Variants in TG observed in about 807,000 individuals in gnomAD.
TG encodes thyroglobulin.
TG carries 270 observed loss-of-function variants against 324.7 expected under a neutral mutation model. That is an observed-to-expected ratio of 0.83 (90% CI 0.75 to 0.92). The LOEUF (loss-of-function observed/expected upper bound fraction) is 0.92. Among genes scored for constraint, TG ranks in the 40% least tolerant of loss-of-function variants. The probability of loss-of-function intolerance (pLI) is 0.00; values close to 1 mark genes in which losing one functional copy is unlikely to be tolerated. For missense variants in TG, 3,591 were observed against 3,456.4 expected (o/e 1.04, Z -0.98); for synonymous variants, 1,401 against 1,327.0 (o/e 1.06, Z -1.21).
chr8:133,019,038 A>G (rs1012442374), intron 38 of TG, among the ~76,000 whole-genome samples: 1 of 152,262 alleles, frequency 6.6e-6, no homozygotes, highest in Non-Finnish European at 1.5e-5. Context: ...TGACGGAGTC[A>G]CATAGGTTTG....
chr8:132,978,581 T>C (rs1279243072), intron 34 of TG, among the ~76,000 whole-genome samples: 1 of 151,220 alleles, frequency 6.6e-6, no homozygotes, highest in Non-Finnish European at 1.5e-5. Context: ...AGGGGAGAGG[T>C]AGGGTGTTGG....
intron 41 of TG, chr8:133,038,528 T>C: frequency 6.2e-7 from 1 of 1,607,974 alleles, no homozygotes; most frequent in Non-Finnish European, 8.5e-7. Context: ...TCTTGGCTAG[T>C]CCTCAAAGTA....
rs376711807 is a variant in TG at position 133,070,029 on chromosome 8, A to AAAAAAAAAAAAAAAAAAAAAAAAC, written c.7240-25014_7240-25013insAAAAAAAAAAAAAAAAAAAAAACA. On this transcript the variant is annotated intron_variant, in intron 41 of 47. Transcript: ENST00000220616. ...AAAAAAAAAAAAAAAAAAAAAAAGA[A>AAAAAAAAAAAAAAAAAAAAAAAAC]AGAAAGAAAGAAAAGAAAAGAAGAA... Among the ~76,000 whole-genome samples, 3 of 109,812 alleles carry AAAAAAAAAAAAAAAAAAAAAAAAC rather than the reference A, an allele frequency of 2.7e-5. 1 individual carries two copies. The highest frequency in any genetic ancestry group is 1.2e-4 in the African/African-American group (3 of 25,790). The allele number at this position is 109,812 out of a possible 152,430, so 72.0% of individuals were successfully genotyped here.
chr8:133,046,681 T>C (rs1200669987), intron 41 of TG: 2 of 152,234 alleles, frequency 1.3e-5, no homozygotes, highest in African/African-American at 4.8e-5. Context: ...TAGGAGTTTC[T>C]TTCTGAGTCG....
chr8:132,983,807 A>G (rs1831198721), intron 35 of TG: 1 of 344,442 alleles, frequency 2.9e-6, no homozygotes, highest in Non-Finnish European at 5.6e-6. Flanking sequence ...TTATTAGTGC[A>G]AAAGAGTTGG....
In TG at chr8:133,075,904, G is replaced by C. The variant is rs143190566; in HGVS notation, c.7240-19140G>C. 11 of 152,230 alleles carry C rather than the reference G, an allele frequency of 7.2e-5. No homozygotes were observed. The East Asian group carries it at 1.3e-3, about 19-fold the overall frequency. 9.4% of individuals were successfully genotyped at this position (152,230 alleles called of 1,614,324 possible). ...TGTTCTACTCTTGCAAGTTTTTGGTGAGTTTGATGTTAAAATACGTGTGTC... is the reference window on the plus strand; with the variant it reads ...TGTTCTACTCTTGCAAGTTTTTGGTCAGTTTGATGTTAAAATACGTGTGTC... On this transcript the variant is annotated intron_variant, in intron 41 of 47. Transcript: ENST00000220616.
Position 132,867,029 on chromosome 8 carries a change from T to C in TG, c.29T>C (p.Leu10Pro), listed in dbSNP as rs376079122. 3 of 1,601,608 alleles carry C rather than the reference T, an allele frequency of 1.9e-6. No individual in the cohort carries two copies. The highest frequency in any genetic ancestry group is 1.1e-5 in the South Asian group (1 of 88,764). Residue 10 changes from leucine (L) to proline (P), a missense_variant, in exon 1 of 48, where the codon CTG (leucine) becomes CCG (proline). By Grantham distance (98) the Leu-to-Pro change is moderately conservative. Transcript: ENST00000220616. ...GCCCTGGTCCTGGAGATCTTCACCC[T>C]GCTGGCCTCCATCTGCTGGGTGTCG... is the stretch of plus-strand genomic sequence containing the variant. MALVLEIFTLLASICWVSAN... is the reference protein window; with the variant it reads MALVLEIFTPLASICWVSAN...
Position 133,096,221 on chromosome 8 carries a change from G to C in TG, c.7420G>C (p.Gly2474Arg), listed in dbSNP as rs773891454. The change falls in exon 43 of 48, where the codon GGC (glycine) becomes CGC (arginine). Residue 2474 changes from glycine to arginine, a missense_variant. By Grantham distance (125) the Gly-to-Arg change is moderately radical. Transcript: ENST00000220616. ...TCCAATGCAGCTCCTGGCCGTGAGTGGCCCTTTCCACTACTGGGGTCCTGT... is the reference window on the plus strand; with the variant it reads ...TCCAATGCAGCTCCTGGCCGTGAGTCGCCCTTTCCACTACTGGGGTCCTGT... ...DAQTKLLAVS[G>R]PFHYWGPVID... 1.2e-6 allele frequency: 2 copies of C among 1,614,216 alleles called. No homozygotes were observed. The highest frequency in any genetic ancestry group is 4.5e-5 in the East Asian group (2 of 44,886).
chr8:132,964,739 A>G (rs970234032), intron 29 of TG: 2 of 602,450 alleles, frequency 3.3e-6, no homozygotes, highest in South Asian at 2.0e-5. Context: ...TTTTGAGCAC[A>G]TGTGGCTGTG....
intron 41 of TG, among the ~76,000 whole-genome samples, chr8:133,091,449 C>T (rs1189730716): frequency 2.0e-5 from 3 of 152,148 alleles, no homozygotes; most frequent in Admixed American, 6.5e-5. Flanking sequence ...CCTGCTTGTC[C>T]GGGTAGCTGC....
intron 35 of TG, among the ~76,000 whole-genome samples, chr8:133,008,664 G>C (rs1834229458): frequency 6.6e-6 from 1 of 152,200 alleles, no homozygotes; most frequent in Non-Finnish European, 1.5e-5. Context: ...GCAAGAACTG[G>C]CTCCAGCCCT....
intron 35 of TG, among the ~76,000 whole-genome samples, chr8:133,006,027 T>G (rs1833987142): frequency 6.6e-6 from 1 of 152,228 alleles, no homozygotes; most frequent in Non-Finnish European, 1.5e-5. Flanking sequence ...GCAAAGGTGC[T>G]GATGGATTAA....
At chr8:133,067,789 AG>A (rs1843237244) in intron 41 of TG, among the ~76,000 whole-genome samples, 1 of 149,284 alleles carries the variant, frequency 6.7e-6, no homozygotes, top group Non-Finnish European at 1.5e-5. Context: ...AAAGAAAGAA[AG>A]AAAAAGAAAG....
At chr8:132,967,522 C>A (rs145054209) in intron 30 of TG, among the ~76,000 whole-genome samples, 1 of 152,256 alleles carries the variant, frequency 6.6e-6, no homozygotes, top group Non-Finnish European at 1.5e-5. Flanking sequence ...TGCAATGTTA[C>A]TCTTTTGCCT....
intron 31 of TG, among the ~76,000 whole-genome samples, chr8:132,969,067 A>G (rs528955629): frequency 8.7e-4 from 131 of 151,290 alleles, no homozygotes; most frequent in Non-Finnish European, 1.4e-3. Flanking sequence ...AAGAAATTCC[A>G]GCCAGTACTT....
chr8:133,077,310 G>A (rs1003473372), intron 41 of TG, among the ~76,000 whole-genome samples: 1 of 152,192 alleles, frequency 6.6e-6, no homozygotes, highest in African/African-American at 2.4e-5. Flanking sequence ...CCGTTCACAG[G>A]AGAAGCTACA....
At chr8:132,949,886 C>T (rs1419476128) in intron 27 of TG, among the ~76,000 whole-genome samples, 1 of 152,196 alleles carries the variant, frequency 6.6e-6, no homozygotes, top group African/African-American at 2.4e-5. Flanking sequence ...AGACCCCCAT[C>T]AGGAAAAAGT....
chr8:132,935,338 C>T (rs952346), intron 24 of TG, among the ~76,000 whole-genome samples: 98,758 of 151,360 alleles, frequency 0.65, 32,830 homozygotes, highest in East Asian at 0.76. Flanking sequence ...GAGATGGGGT[C>T]TCAACATGTT....
intron 8 of TG, among the ~76,000 whole-genome samples, chr8:132,884,767 A>G (rs146900730): frequency 6.6e-6 from 1 of 152,294 alleles, no homozygotes; most frequent in Admixed American, 6.5e-5. Flanking sequence ...TATATTTTCA[A>G]TTTTTCTGTC....
Sources: allele counts gnomAD v4.1 joint callset (sites outside exome capture counted in the v4.1 genomes callset), GRCh38; gene constraint gnomAD v4.1.1; transcripts MANE v1.5; gene names NCBI Gene and HGNC (gene_info 2026-07-23, HGNC 2026-07-21).